Variants in KDM4C observed in about 807,000 individuals in gnomAD.
KDM4C encodes lysine-specific demethylase 4C.
KDM4C carries 81 observed loss-of-function variants against 129.3 expected under a neutral mutation model. The observed-to-expected ratio is 0.63, with a 90% CI of 0.52 to 0.75. The LOEUF (loss-of-function observed/expected upper bound fraction) is 0.75, where lower values mean the gene tolerates loss of function less well. Among genes scored for constraint, KDM4C ranks in the 30% least tolerant of loss-of-function variants. KDM4C has a pLI of 0.00. For missense variants in KDM4C, 1,457 were observed against 1,304.0 expected (o/e 1.12, Z -1.81); for synonymous variants, 573 against 456.1 (o/e 1.26, Z -3.26).
At chr9:6,754,094 T>A (rs948401555), upstream of KDM4C, among the ~76,000 whole-genome samples, 1 of 152,014 alleles carries the variant, frequency 6.6e-6, no homozygotes, top group African/African-American at 2.4e-5. Flanking sequence ...CAGGATGGTC[T>A]CGATCTCCTG....
intron 18 of KDM4C, among the ~76,000 whole-genome samples, chr9:7,120,020 T>C (rs1839323941): frequency 6.6e-6 from 1 of 152,204 alleles, no homozygotes; most frequent in Non-Finnish European, 1.5e-5. Flanking sequence ...TAGTGAGCCA[T>C]TAGTAATTAA....
chr9:6,964,486 A>G (rs1328195768), intron 8 of KDM4C, among the ~76,000 whole-genome samples: 1 of 152,100 alleles, frequency 6.6e-6, no homozygotes, highest in Non-Finnish European at 1.5e-5. Context: ...AATCCAGTCT[A>G]TCATTGATGG....
At chr9:6,828,538 C>T (rs552426475) in intron 4 of KDM4C, among the ~76,000 whole-genome samples, 115 of 152,052 alleles carry the variant, frequency 7.6e-4, no homozygotes, top group African/African-American at 2.6e-3. Context: ...GGAATGTTCA[C>T]GTAGAGACCG....
chr9:7,137,182 C>T (rs1402319096), intron 19 of KDM4C, among the ~76,000 whole-genome samples: 1 of 152,164 alleles, frequency 6.6e-6, no homozygotes, highest in African/African-American at 2.4e-5. Context: ...GGCATTGGCG[C>T]ACCTGCTGGT....
chr9:7,042,964 G>A (rs1828842763), intron 15 of KDM4C, among the ~76,000 whole-genome samples: 1 of 152,086 alleles, frequency 6.6e-6, no homozygotes, highest in South Asian at 2.1e-4. Flanking sequence ...CAGAGGCAGA[G>A]TTGAGTGATT....
At position 6,739,495 on chromosome 9, in the gene KDM4C, G is replaced by A. The variant is rs776516394; in HGVS notation, c.49+18498G>A. On this transcript the variant is annotated intron_variant, in intron 1 of 17. Coordinates refer to the KDM4C transcript ENST00000536108. ...GTGTTTACACTAAGGCTTCACTCCT[G>A]GACACCAGGTTTAAAACTTCTCAGC... Among the ~76,000 whole-genome samples the A allele has an allele frequency of 5.7e-4, 86 of 152,006 alleles. 1 individual carries two copies. Among genetic ancestry groups the A allele is most frequent in the Non-Finnish European group, 1.1e-3 (77 of 68,008 alleles).
intron 17 of KDM4C, among the ~76,000 whole-genome samples, chr9:7,090,299 T>C (rs1395146944): frequency 1.3e-5 from 2 of 152,254 alleles, no homozygotes; most frequent in East Asian, 3.8e-4. Context: ...GTAGATTTAT[T>C]TTTATTTTAT....
At chr9:7,135,727 GAAAA>G (rs1254394026) in intron 19 of KDM4C, among the ~76,000 whole-genome samples, 1 of 152,076 alleles carries the variant, frequency 6.6e-6, no homozygotes, top group African/African-American at 2.4e-5. Context: ...GAAAGACTAA[GAAAA>G]AAGCCATTCC....
intron 1 of KDM4C, among the ~76,000 whole-genome samples, chr9:6,730,702 T>C (rs948497768): frequency 6.6e-6 from 1 of 151,972 alleles, no homozygotes; most frequent in African/African-American, 2.4e-5. Flanking sequence ...ACAGCAGATA[T>C]TCAGAGAGAC....
chr9:6,876,527 AC>A (rs1843582562), intron 5 of KDM4C, among the ~76,000 whole-genome samples: 1 of 152,186 alleles, frequency 6.6e-6, no homozygotes, highest in Non-Finnish European at 1.5e-5. Flanking sequence ...TTGCTGGAAA[AC>A]ACATGAAAAT....
chr9:6,788,827 TCCAGAGG>T (rs1214544737), intron 1 of KDM4C, among the ~76,000 whole-genome samples: 10 of 152,128 alleles, frequency 6.6e-5, no homozygotes, highest in Non-Finnish European at 1.5e-4. Context: ...GCAGGCCTGT[TCCAGAGG>T]ATTAGGAATC....
At chr9:7,058,213 GA>G (rs1285673291) in intron 17 of KDM4C, among the ~76,000 whole-genome samples, 1 of 152,188 alleles carries the variant, frequency 6.6e-6, no homozygotes, top group African/African-American at 2.4e-5. Flanking sequence ...GCCTTTGGGG[GA>G]TAAATCACTG....
At chr9:7,024,888 A>G (rs184152298) in intron 15 of KDM4C, among the ~76,000 whole-genome samples, 4 of 152,306 alleles carry the variant, frequency 2.6e-5, no homozygotes, top group African/African-American at 9.6e-5. Context: ...TTGTAGTTCT[A>G]GATCCCTGAG....
intron 17 of KDM4C, among the ~76,000 whole-genome samples, chr9:7,074,616 A>T (rs1426408377): frequency 6.6e-6 from 1 of 152,208 alleles, no homozygotes; most frequent in African/African-American, 2.4e-5. Context: ...TCTTTATATT[A>T]TAAAGGAATG....
chr9:6,817,357 A>G (rs1832308733), intron 4 of KDM4C, among the ~76,000 whole-genome samples: 1 of 151,814 alleles, frequency 6.6e-6, no homozygotes, highest in Non-Finnish European at 1.5e-5. Flanking sequence ...AGGCGCCACC[A>G]TGCCTAGCTA....
At chr9:7,097,600 G>C (rs927280965) in intron 17 of KDM4C, among the ~76,000 whole-genome samples, 2 of 152,174 alleles carry the variant, frequency 1.3e-5, no homozygotes, top group Non-Finnish European at 2.9e-5. Context: ...CCCTCTTCTA[G>C]ATCTGCTCAG....
At chr9:7,041,454 A>G (rs1157820049) in intron 15 of KDM4C, among the ~76,000 whole-genome samples, 1 of 152,002 alleles carries the variant, frequency 6.6e-6, no homozygotes, top group Non-Finnish European at 1.5e-5. Flanking sequence ...CTCTATAGTC[A>G]TTAAACTTTT....
intron 6 of KDM4C, among the ~76,000 whole-genome samples, chr9:6,883,064 C>T (rs1305092201): frequency 6.6e-6 from 1 of 152,112 alleles, no homozygotes; most frequent in Admixed American, 6.5e-5. Context: ...GGATTATGAG[C>T]CACTGCTGTC....
At chr9:7,096,339 C>T (rs947779475) in intron 17 of KDM4C, among the ~76,000 whole-genome samples, 2 of 152,142 alleles carry the variant, frequency 1.3e-5, no homozygotes, top group Non-Finnish European at 2.9e-5. Context: ...GTTTTCTGCA[C>T]AGCACAGGTA....
Sources: allele counts gnomAD v4.1 joint callset (sites outside exome capture counted in the v4.1 genomes callset), GRCh38; gene constraint gnomAD v4.1.1; transcripts MANE v1.5; gene names NCBI Gene and HGNC (gene_info 2026-07-23, HGNC 2026-07-21).